Variants in TSPAN5 observed in about 807,000 individuals in gnomAD.
TSPAN5 encodes tetraspanin 5, also known as tetraspanin-5.
Under a neutral mutation model 37.1 loss-of-function variants are expected in TSPAN5, and 10 were observed. That is an observed-to-expected ratio of 0.27 (90% CI 0.17 to 0.46). The LOEUF (loss-of-function observed/expected upper bound fraction) is 0.46. Ranked by LOEUF, TSPAN5 falls within the 20% of genes least tolerant of loss-of-function variation. TSPAN5 has a pLI of 1.00. For synonymous variants in TSPAN5, 110 were observed against 118.9 expected, an observed-to-expected ratio of 0.93 and a Z score of 0.48; for missense variants, 195 against 326.6, an observed-to-expected ratio of 0.60 and a Z score of 3.11.
At chr4:98,546,921 C>T (rs565504967) in intron 1 of TSPAN5, among the ~76,000 whole-genome samples, 8 of 152,262 alleles carry the variant, frequency 5.3e-5, no homozygotes, top group Admixed American at 4.6e-4. Flanking sequence ...GGTGAAGCAG[C>T]GATATGAAAG....
intron 1 of TSPAN5, among the ~76,000 whole-genome samples, chr4:98,513,831 C>T (rs1330438584): frequency 1.3e-5 from 2 of 151,656 alleles, no homozygotes; most frequent in African/African-American, 4.8e-5. Flanking sequence ...ATATTTCCAA[C>T]ACCCCTGCTA....
intron 1 of TSPAN5, among the ~76,000 whole-genome samples, chr4:98,621,789 C>G (rs1359835393): frequency 7.8e-6 from 1 of 127,768 alleles, no homozygotes; most frequent in African/African-American, 2.6e-5. Flanking sequence ...CTCATTCCCA[C>G]CCCCCCCGCA....
chr4:98,615,438 G>A (rs59258663), intron 1 of TSPAN5, among the ~76,000 whole-genome samples: 25,620 of 150,642 alleles, frequency 0.17, 2,313 homozygotes, highest in Middle Eastern at 0.23. Flanking sequence ...AAAATGTCCC[G>A]TGTTTGACTA....
chr4:98,613,063 T>G (rs1205080815), intron 1 of TSPAN5, among the ~76,000 whole-genome samples: 2 of 152,098 alleles, frequency 1.3e-5, no homozygotes, highest in African/African-American at 4.8e-5. Context: ...TCTGTCCTCT[T>G]CACCATTTTA....
At chr4:98,496,885 G>A (rs950018424) in intron 2 of TSPAN5, among the ~76,000 whole-genome samples, 16 of 152,304 alleles carry the variant, frequency 1.1e-4, no homozygotes, top group African/African-American at 3.8e-4. Context: ...TTCTGGTATG[G>A]ACTAAATGTT....
chr4:98,623,300 G>T (rs1025057674), intron 1 of TSPAN5, among the ~76,000 whole-genome samples: 4 of 152,168 alleles, frequency 2.6e-5, no homozygotes. Context: ...TCATCAAAGG[G>T]TCTGAAAGCT....
Position 98,647,154 on chromosome 4 carries a change from T to C in TSPAN5, c.81+10992A>G, listed in dbSNP as rs566256923. ...CAAGTTAGGATGAATCTTTCAATAC[T>C]CTCTCACTCTGAACCAGACGAAGAA... On this transcript the variant is annotated intron_variant, in intron 1 of 7. Coordinates refer to ENST00000305798, the MANE Select transcript of TSPAN5 (RefSeq NM_005723.4). Among the ~76,000 whole-genome samples the C allele has an allele frequency of 2.8e-4, 42 of 152,228 alleles. No individual in the cohort carries two copies. The Middle Eastern group carries it at 0.02, about 74-fold the overall frequency.
At chr4:98,560,302 T>G (rs929517203) in intron 1 of TSPAN5, 3 of 152,260 alleles carry the variant, frequency 2.0e-5, no homozygotes, top group Non-Finnish European at 2.9e-5. Flanking sequence ...TCATCCCTCA[T>G]GTTTTCCCCA....
intron 1 of TSPAN5, among the ~76,000 whole-genome samples, chr4:98,645,940 G>T (rs1757058341): frequency 6.6e-6 from 1 of 152,108 alleles, no homozygotes; most frequent in Non-Finnish European, 1.5e-5. Context: ...GCTTCCCCTT[G>T]AAGGGCTGGG....
intron 1 of TSPAN5, among the ~76,000 whole-genome samples, chr4:98,548,243 C>G (rs1754517232): frequency 6.6e-6 from 1 of 152,024 alleles, no homozygotes; most frequent in South Asian, 2.1e-4. Context: ...GTGTTTCTCT[C>G]AAACACCTAC....
chr4:98,543,878 T>C (rs189481693), intron 1 of TSPAN5, among the ~76,000 whole-genome samples: 6 of 152,234 alleles, frequency 3.9e-5, no homozygotes, highest in Non-Finnish European at 7.4e-5. Context: ...ATCACAATAT[T>C]GGGCTTAAAA....
chr4:98,494,117 A>T (rs1486284402), intron 2 of TSPAN5, among the ~76,000 whole-genome samples: 1 of 152,186 alleles, frequency 6.6e-6, no homozygotes, highest in Non-Finnish European at 1.5e-5. Context: ...AAGTTTAGAG[A>T]GCCAACAAGC....
intron 1 of TSPAN5, among the ~76,000 whole-genome samples, chr4:98,615,549 G>A (rs1432325181): frequency 6.6e-6 from 1 of 152,200 alleles, no homozygotes; most frequent in Non-Finnish European, 1.5e-5. Flanking sequence ...CCGGGCGCAT[G>A]GTGGCTCATG....
At position 98,567,082 on chromosome 4, in the gene TSPAN5, A is replaced by G. The variant is rs149154620; in HGVS notation, c.82-59354T>C. 6.4e-3 allele frequency among the ~76,000 whole-genome samples: 982 copies of G among 152,348 alleles called. 20 individuals are homozygous for G. Among genetic ancestry groups the G allele is most frequent in the African/African-American group, 0.022 (913 of 41,582 alleles). ...GCCAATTCTTGCAAAGGGGCACTCA[A>G]TAAATAATTTGAAATTTGAATAAGT... On this transcript the variant is annotated intron_variant, in intron 1 of 7. Transcript: ENST00000305798.
intron 1 of TSPAN5, among the ~76,000 whole-genome samples, chr4:98,509,253 G>A (rs544899737): frequency 6.6e-6 from 1 of 152,334 alleles, no homozygotes; most frequent in South Asian, 2.1e-4. Flanking sequence ...AAAAAAATGA[G>A]TGAGAGTGGT....
At chr4:98,573,362 G>A (rs1035734999) in intron 1 of TSPAN5, among the ~76,000 whole-genome samples, 3 of 152,224 alleles carry the variant, frequency 2.0e-5, no homozygotes, top group African/African-American at 7.2e-5. Flanking sequence ...TCTATCTATT[G>A]TCCATTGCAT....
Position 98,554,339 on chromosome 4 carries a change from C to T in TSPAN5, c.82-46611G>A, listed in dbSNP as rs772160672. Among the ~76,000 whole-genome samples the T allele has an allele frequency of 5.0e-4, 76 of 152,262 alleles. 1 individual carries two copies. Among genetic ancestry groups the T allele is most frequent in the Non-Finnish European group, 9.3e-4 (63 of 68,026 alleles). On this transcript the variant is annotated intron_variant, in intron 1 of 7. Coordinates refer to ENST00000305798, the MANE Select transcript of TSPAN5 (RefSeq NM_005723.4). ...ATAGGAAACTATTTGAAAACATGAA[C>T]CTACTGATTCCAAAGCCCTGCAATG...
intron 1 of TSPAN5, among the ~76,000 whole-genome samples, chr4:98,513,367 C>T (rs1185714488): frequency 6.6e-6 from 1 of 152,056 alleles, no homozygotes; most frequent in East Asian, 1.9e-4. Context: ...CTTTGCAGAT[C>T]TGGGCTTTGG....
At chr4:98,579,369 A>G (rs1442027886) in intron 1 of TSPAN5, among the ~76,000 whole-genome samples, 6 of 152,188 alleles carry the variant, frequency 3.9e-5, no homozygotes, top group Non-Finnish European at 7.3e-5. Context: ...AGCAAGGTAC[A>G]TTTCTGGAGC....
Sources: gnomAD v4.1 joint callset for allele counts (sites outside exome capture counted in the v4.1 genomes callset) on GRCh38, gnomAD v4.1.1 for gene constraint, MANE v1.5 for transcripts, NCBI Gene and HGNC (gene_info 2026-07-23, HGNC 2026-07-21) for gene names.